TOGARAM1: variants seen among roughly 807,000 people sequenced by gnomAD.
TOGARAM1 encodes TOG array regulator of axonemal microtubules 1, also known as TOG array regulator of axonemal microtubules protein 1.
Under a neutral mutation model 166.6 loss-of-function variants are expected in TOGARAM1, and 100 were observed. The observed-to-expected ratio is 0.60, with a 90% confidence interval of 0.51 to 0.71. The LOEUF (loss-of-function observed/expected upper bound fraction) is 0.71, where lower values mean the gene tolerates loss of function less well. Ranked by LOEUF, TOGARAM1 falls within the 30% of genes least tolerant of loss-of-function variation. TOGARAM1 has a pLI of 0.00. For missense variants in TOGARAM1, 2,029 were observed against 2,102.7 expected (o/e 0.96, Z 0.69); for synonymous variants, 758 against 763.8 (o/e 0.99, Z 0.13).
At chr14:44,979,146 CTAAT>C (rs1886389367) in intron 1 of TOGARAM1, among the ~76,000 whole-genome samples, 1 of 151,906 alleles carries the variant, frequency 6.6e-6, no homozygotes, top group Admixed American at 6.6e-5. Context: ...TTTTGTATCC[CTAAT>C]TTGCTTACCT....
chr14:44,970,948 T>C (rs1447006701), intron 1 of TOGARAM1, among the ~76,000 whole-genome samples: 3 of 152,178 alleles, frequency 2.0e-5, no homozygotes, highest in African/African-American at 7.2e-5. Context: ...TAATATTTTG[T>C]TGAGGATTTT....
chr14:45,006,024 A>G lies in TOGARAM1; in HGVS notation c.2661A>G (p.Glu887=), dbSNP rs1228165567. 2.6e-6 allele frequency: 4 copies of G among 1,546,734 alleles called. No individual in the cohort carries two copies. Among genetic ancestry groups the G allele is most frequent in the East Asian group, 2.3e-5 (1 of 44,208 alleles). ...TGRNHGENSQ[E]KPPVQLTPAL... Reference sequence around the variant, plus strand: ...TTCATGCAGGAGAAAATTCTCAAGAAAAACCTCCAGTTCAGCTTACACCTG... The same window carrying G: ...TTCATGCAGGAGAAAATTCTCAAGAGAAACCTCCAGTTCAGCTTACACCTG... Residue 887 remains glutamate, a synonymous_variant, in exon 5 of 20, where the codon GAA becomes GAG. Transcript: ENST00000361462.
chr14:45,000,045 T>C lies in TOGARAM1; in HGVS notation c.2338+548T>C, dbSNP rs1887623501. 2.6e-5 allele frequency among the ~76,000 whole-genome samples: 4 copies of C among 152,044 alleles called. 1 individual carries two copies. The South Asian group carries it at 8.3e-4, about 32-fold the overall frequency. On this transcript the variant is annotated intron_variant, in intron 3 of 19. Coordinates refer to ENST00000361462, the MANE Select transcript of TOGARAM1 (RefSeq NM_001308120.2). ...TCTTGCTCTGTCGCCCAGGCTGGAG[T>C]GTAATGGCAGGATCTCGGCTCACTG...
intron 14 of TOGARAM1, among the ~76,000 whole-genome samples, chr14:45,051,271 G>A (rs1882350630): frequency 6.6e-6 from 1 of 152,178 alleles, no homozygotes; most frequent in Non-Finnish European, 1.5e-5. Flanking sequence ...TCAGAACCCT[G>A]GTAAGTTTTG....
chr14:44,966,475 A>AAAT (rs750279861), intron 1 of TOGARAM1, among the ~76,000 whole-genome samples: 12 of 152,076 alleles, frequency 7.9e-5, no homozygotes, highest in Admixed American at 2.0e-4. Flanking sequence ...TGCATCTCAA[A>AAAT]AATAATAATA....
intron 11 of TOGARAM1, among the ~76,000 whole-genome samples, chr14:45,034,578 C>G (rs924937334): frequency 3.3e-5 from 5 of 152,148 alleles, no homozygotes; most frequent in African/African-American, 1.2e-4. Flanking sequence ...ATAATACTTC[C>G]TGTTCCCACC....
rs1488419777 is a variant in TOGARAM1, at chr14:44,963,921, C to G, written c.1500C>G (p.Thr500=). The change falls in exon 1 of 20, where the codon ACC becomes ACG. Residue 500 remains threonine, a synonymous_variant. Coordinates refer to ENST00000361462, the MANE Select transcript of TOGARAM1 (RefSeq NM_001308120.2). ...ACATTTGCATCTGCTCCCTGCTGACCTATCCTAGTGAGGATTTTGACTTGC... is the reference window on the plus strand; with the variant it reads ...ACATTTGCATCTGCTCCCTGCTGACGTATCCTAGTGAGGATTTTGACTTGC... The part of the protein sequence containing the change: ...VVNICICSLL[T]YPSEDFDLPK... The G allele has an allele frequency of 1.9e-6, 3 of 1,613,858 alleles. No individual in the cohort carries two copies. The highest frequency in any genetic ancestry group is 2.5e-6 in the Non-Finnish European group (3 of 1,179,770).
In TOGARAM1 at chr14:45,068,621, T is replaced by C; in HGVS notation, c.4947T>C (p.Val1649=). The C allele has an allele frequency of 6.2e-7, 1 of 1,608,458 alleles. No homozygotes were observed. Among genetic ancestry groups the C allele is most frequent in the Non-Finnish European group, 8.5e-7 (1 of 1,177,404 alleles). The change falls in exon 18 of 20, where the codon GTT becomes GTC. Residue 1649 remains valine, a synonymous_variant. Coordinates refer to ENST00000361462, the MANE Select transcript of TOGARAM1 (RefSeq NM_001308120.2). ...PGIYAAATNV[V]QALSQHVDNY... is the part of the protein sequence containing the mutation. ...TCTATGCGGCTGCTACAAATGTTGT[T>C]CAGGCACTGAGTCAGCATGTAGGTA...
chr14:44,992,763 G>A lies in TOGARAM1; in HGVS notation c.2047-2983G>A, dbSNP rs1008603592. 7.9e-5 allele frequency among the ~76,000 whole-genome samples: 12 copies of A among 151,382 alleles called. No homozygotes were observed. In the East Asian group the frequency reaches 2.2e-3, roughly 28 times the overall value. ...CTCCCGAGTAGCTGGGACTACAGGCGCCTGCCACCACGCCCGACTAATTTT... is the reference window on the plus strand; with the variant it reads ...CTCCCGAGTAGCTGGGACTACAGGCACCTGCCACCACGCCCGACTAATTTT... On this transcript the variant is annotated intron_variant, in intron 1 of 19. Coordinates refer to ENST00000361462, the MANE Select transcript of TOGARAM1 (RefSeq NM_001308120.2).
Position 44,999,315 on chromosome 14 carries a change from T to C in TOGARAM1, c.2204-48T>C, listed in dbSNP as rs759282632. ...TATGAAATAAAATGTATTCATGAAA[T>C]AAAGTTAACTTTTGCTTTTATGTTT... On this transcript the variant is annotated intron_variant, in intron 2 of 19. Transcript: ENST00000361462. 4.7e-6 allele frequency: 7 copies of C among 1,476,434 alleles called. No homozygotes were observed. In the South Asian group the frequency reaches 1.0e-4, roughly 22 times the overall value. The allele number at this position is 1,476,434 out of a possible 1,614,324, so 91.5% of individuals were successfully genotyped here.
At chr14:45,059,286 T>C (rs916065593) in intron 16 of TOGARAM1, among the ~76,000 whole-genome samples, 5 of 152,040 alleles carry the variant, frequency 3.3e-5, no homozygotes, top group African/African-American at 9.7e-5. Context: ...TCAGGGATCC[T>C]CCCACGTTAG....
chr14:45,031,562 A>G (rs374385943), intron 10 of TOGARAM1, among the ~76,000 whole-genome samples: 5 of 152,226 alleles, frequency 3.3e-5, no homozygotes, highest in South Asian at 2.1e-4. Context: ...TAAAACAGGT[A>G]TATATCCACA....
At position 44,962,512 on chromosome 14, in the gene TOGARAM1, C is replaced by G; in HGVS notation, c.91C>G (p.Pro31Ala). ...RLQSRSRPSA[P>A]ETDDSRVGGI... Reference sequence around the variant, plus strand: ...CCAGAGCCGCAGTCGTCCTTCCGCCCCAGAGACCGATGATAGTCGAGTTGG... The same window carrying G: ...CCAGAGCCGCAGTCGTCCTTCCGCCGCAGAGACCGATGATAGTCGAGTTGG... The change falls in exon 1 of 20, where the codon CCA becomes GCA. Residue 31 changes from proline to alanine, a missense_variant. By Grantham distance (27) the Pro-to-Ala change is conservative. This residue lies in a region of TOGARAM1 where 1,453 missense variants were observed against 1,432.2 expected (regional missense o/e 1.01). Coordinates refer to ENST00000361462, the MANE Select transcript of TOGARAM1 (RefSeq NM_001308120.2). 5 of 1,613,270 alleles carry G rather than the reference C, an allele frequency of 3.1e-6. No individual in the cohort carries two copies. The highest frequency in any genetic ancestry group is 4.2e-6 in the Non-Finnish European group (5 of 1,179,856).
At chr14:44,992,107 C>CA (rs1887174326) in intron 1 of TOGARAM1, among the ~76,000 whole-genome samples, 1 of 116,058 alleles carries the variant, frequency 8.6e-6, no homozygotes, top group Non-Finnish European at 1.8e-5. Context: ...AAAAACCAAA[C>CA]CAAAAAAAAA....
At chr14:45,000,738 A>G (rs1887655938) in intron 3 of TOGARAM1, among the ~76,000 whole-genome samples, 1 of 152,022 alleles carries the variant, frequency 6.6e-6, no homozygotes, top group African/African-American at 2.4e-5. Context: ...GCTGGATCAT[A>G]TGGTAGTTGT....
In TOGARAM1 at chr14:44,962,913, G is replaced by A. The variant is rs1287294900; in HGVS notation, c.492G>A (p.Arg164=). ...LCLQLLSDVL[R]GQGEAGQLEE... is the part of the protein sequence containing the mutation. The stretch of plus-strand genomic sequence containing the variant: ...TGCAACTTCTCTCGGACGTTCTCCG[G>A]GGTCAGGGGGAGGCAGGCCAGCTTG... Residue 164 remains arginine, a synonymous_variant, in exon 1 of 20, where the codon CGG becomes CGA. Coordinates refer to ENST00000361462, the MANE Select transcript of TOGARAM1 (RefSeq NM_001308120.2). 6.2e-7 allele frequency: 1 copy of A among 1,614,048 alleles called. No homozygotes were observed. The highest frequency in any genetic ancestry group is 1.3e-5 in the African/African-American group (1 of 74,932).
intron 18 of TOGARAM1, among the ~76,000 whole-genome samples, chr14:45,071,253 G>A (rs910002210): frequency 2.7e-5 from 4 of 146,502 alleles, no homozygotes; most frequent in Admixed American, 1.4e-4. Flanking sequence ...CTATGTTATC[G>A]TTTGAAATAA....
At chr14:44,990,495 A>G (rs537572693) in intron 1 of TOGARAM1, among the ~76,000 whole-genome samples, 6 of 152,358 alleles carry the variant, frequency 3.9e-5, no homozygotes, top group Admixed American at 3.9e-4. Flanking sequence ...ACTCAGAGGG[A>G]CAATATATTA....
chr14:45,027,388 C>A lies in TOGARAM1; in HGVS notation c.3418C>A (p.Gln1140Lys), dbSNP rs775426212. The part of the protein sequence containing the change: ...VENGDTFSIK[Q>K]SIEPPSGIYG... ...AAATGGGGATACATTTTCAATTAAA[C>A]AAAGTATTGAACCACCATCAGGGAT... is the stretch of plus-strand genomic sequence containing the variant. The change falls in exon 9 of 20, where the codon CAA (glutamine) becomes AAA (lysine). Residue 1140 changes from glutamine (Q) to lysine (K), a missense_variant. Physicochemically the swap from Gln to Lys is moderately conservative, Grantham distance 53 (BLOSUM62 1). This residue lies in a region of TOGARAM1 where 1,453 missense variants were observed against 1,432.2 expected (regional missense o/e 1.01). Transcript: ENST00000361462. 1.9e-6 allele frequency: 3 copies of A among 1,613,430 alleles called. No individual in the cohort carries two copies. The South Asian group carries it at 3.3e-5, about 18-fold the overall frequency.
Sources: allele counts gnomAD v4.1 joint callset (sites outside exome capture counted in the v4.1 genomes callset), GRCh38; gene constraint gnomAD v4.1.1; regional missense constraint gnomAD v4.1.1; transcripts MANE v1.5; gene names NCBI Gene and HGNC (gene_info 2026-07-23, HGNC 2026-07-21).